The following HDX variants were observed in gnomAD, a reference collection of about 807,000 sequenced individuals.
The protein encoded by HDX is chromosome X open reading frame 43.
Under a neutral mutation model 45.2 loss-of-function variants are expected in HDX, and 19 were observed. The ratio of observed to expected loss-of-function variants is 0.42; its 90% CI spans 0.29 to 0.62. HDX has a LOEUF of 0.62. Ranked by LOEUF, HDX falls within the 20% of genes least tolerant of loss-of-function variation. HDX has a pLI of 0.20. For missense variants in HDX, 532 were observed against 493.9 expected, an observed-to-expected ratio of 1.08 and a Z score of -0.73; for synonymous variants, 188 against 172.8, an observed-to-expected ratio of 1.09 and a Z score of -0.69.
At chrX:84,500,539 A>G (rs1266461259) in intron 1 of HDX, among the ~76,000 whole-genome samples, 1 of 110,770 alleles carries the variant, frequency 9.0e-6, no homozygotes, top group Non-Finnish European at 1.9e-5. Flanking sequence ...TAACAAAGAC[A>G]ATAATTGACG....
intron 5 of HDX, among the ~76,000 whole-genome samples, chrX:84,432,266 T>C (rs1035684637): frequency 6.3e-5 from 7 of 111,890 alleles, no homozygotes; most frequent in Admixed American, 4.7e-4. Flanking sequence ...AGTCAAGTAA[T>C]GTGATGCCTC....
At chrX:84,457,477 T>C (rs755418017) in intron 4 of HDX, among the ~76,000 whole-genome samples, 159 of 111,844 alleles carry the variant, frequency 1.4e-3, no homozygotes, top group African/African-American at 4.9e-3. Context: ...AATGCCAGCA[T>C]AGAAACTTCA....
chrX:84,477,611 A>G (rs948082799), intron 2 of HDX, among the ~76,000 whole-genome samples: 18 of 111,805 alleles, frequency 1.6e-4, no homozygotes, highest in African/African-American at 5.2e-4. Flanking sequence ...TACAACAACT[A>G]GATGACCCCA....
Position 84,470,870 on chromosome X carries a change from A to AATGTT in HDX, c.148-1296_148-1295insAACAT, listed in dbSNP as rs1178778112. 1.5e-3 allele frequency among the ~76,000 whole-genome samples: 165 copies of AATGTT among 111,747 alleles called. 1 individual carries two copies. Among genetic ancestry groups the AATGTT allele is most frequent in the African/African-American group, 5.2e-3 (161 of 30,823 alleles). On this transcript the variant is annotated intron_variant, in intron 3 of 10. Coordinates refer to ENST00000373177, the MANE Select transcript of HDX (RefSeq NM_001177479.2). ...AGCACATTAATCTATTAAGAATTAA[A>AATGTT]CAGGCCATGCACAGTGGCTCATGCC...
At chrX:84,326,470 C>T (rs2036712777) in intron 9 of HDX, among the ~76,000 whole-genome samples, 170 bp from the exon 10 acceptor site, 1 of 111,544 alleles carries the variant, frequency 9.0e-6, no homozygotes, top group Non-Finnish European at 1.9e-5. Flanking sequence ...CTGTTAGTCA[C>T]AGGATGCCTT....
chrX:84,453,568 A>C (rs988934885), intron 4 of HDX, among the ~76,000 whole-genome samples: 9 of 112,160 alleles, frequency 8.0e-5, no homozygotes, highest in Non-Finnish European at 1.1e-4. Flanking sequence ...AAGAGTAGGA[A>C]CTTGAGTTTT....
intron 5 of HDX, among the ~76,000 whole-genome samples, chrX:84,379,189 T>C (rs149405319): frequency 0.11 from 11,700 of 109,047 alleles, 614 homozygotes; most frequent in East Asian, 0.26. Flanking sequence ...ATGATCAAAT[T>C]TGATTTTATA....
chrX:84,482,951 C>A (rs936588702), intron 2 of HDX, among the ~76,000 whole-genome samples: 1 of 111,869 alleles, frequency 8.9e-6, no homozygotes, highest in African/African-American at 3.3e-5. Flanking sequence ...GGGCTATAGG[C>A]CTCATGCAAG....
intron 5 of HDX, among the ~76,000 whole-genome samples, chrX:84,406,676 G>A (rs1039378350): frequency 5.4e-4 from 60 of 110,987 alleles, no homozygotes; most frequent in African/African-American, 1.9e-3. Context: ...TAATAACAAA[G>A]TAGACTAAAG....
At chrX:84,457,634 C>T (rs2040141176) in intron 4 of HDX, among the ~76,000 whole-genome samples, 1 of 111,592 alleles carries the variant, frequency 9.0e-6, no homozygotes, top group African/African-American at 3.3e-5. Context: ...TGAATTAATA[C>T]TATGTGCTCT....
chrX:84,408,805 A>C (rs1393590221), intron 5 of HDX, among the ~76,000 whole-genome samples: 1 of 109,411 alleles, frequency 9.1e-6, no homozygotes, highest in Admixed American at 9.9e-5. Flanking sequence ...ATTCCTAGGT[A>C]TTTTAATCAT....
At chrX:84,398,374 G>T (rs1202975926) in intron 5 of HDX, among the ~76,000 whole-genome samples, 1 of 111,418 alleles carries the variant, frequency 9.0e-6, no homozygotes, top group Admixed American at 9.5e-5. Flanking sequence ...TAAAGGGATG[G>T]AGGAAAATTT....
intron 5 of HDX, among the ~76,000 whole-genome samples, chrX:84,381,368 A>T (rs2038183887): frequency 9.0e-6 from 1 of 111,303 alleles, no homozygotes; most frequent in South Asian, 3.8e-4. Context: ...ATACAGACCC[A>T]CAAAGACCCA....
At chrX:84,336,525 A>G (rs2036966477) in intron 8 of HDX, among the ~76,000 whole-genome samples, 2 of 111,530 alleles carry the variant, frequency 1.8e-5, no homozygotes, top group South Asian at 7.4e-4. Context: ...TGTTGAAGAA[A>G]AATAGCTTGT....
chrX:84,380,569 C>T (rs1021975377), intron 5 of HDX, among the ~76,000 whole-genome samples: 2 of 111,304 alleles, frequency 1.8e-5, no homozygotes, highest in Admixed American at 9.5e-5. Flanking sequence ...CATGGTTCAA[C>T]ATATGAAAAT....
chrX:84,477,095 G>T (rs1158840351), intron 2 of HDX, among the ~76,000 whole-genome samples: 1 of 111,583 alleles, frequency 9.0e-6, no homozygotes, highest in African/African-American at 3.3e-5. Context: ...TTTCAGAGCC[G>T]TTTGGGGTTT....
chrX:84,385,399 G>A lies in HDX; in HGVS notation c.1306-23787C>T, dbSNP rs1453836483. On this transcript the variant is annotated intron_variant, in intron 5 of 10. Coordinates refer to ENST00000373177, the MANE Select transcript of HDX (RefSeq NM_001177479.2). ...CGGCTAATTTTTTGTATTTTTAGTA[G>A]AGACGGGGTTTCACCGTTTTAGCCA... Among the ~76,000 whole-genome samples, 4 of 105,174 alleles carry A rather than the reference G, an allele frequency of 3.8e-5. No homozygotes were observed. The Admixed American group carries it at 4.1e-4, about 11-fold the overall frequency. The allele number at this position is 105,174 out of a possible 115,157, so 91.3% of individuals were successfully genotyped here.
intron 4 of HDX, among the ~76,000 whole-genome samples, chrX:84,453,477 G>A (rs187247976): frequency 1.8e-5 from 2 of 112,054 alleles, no homozygotes; most frequent in Admixed American, 1.9e-4. Context: ...GTCAGCAGAA[G>A]AGAACAATGG....
At chrX:84,384,196 A>G (rs1372233055) in intron 5 of HDX, among the ~76,000 whole-genome samples, 1 of 111,008 alleles carries the variant, frequency 9.0e-6, no homozygotes, top group Non-Finnish European at 1.9e-5. Flanking sequence ...TTTCTGTGCA[A>G]CCTTGCCAGT....
Sources: gnomAD v4.1 joint callset for allele counts (sites outside exome capture counted in the v4.1 genomes callset) on GRCh38, gnomAD v4.1.1 for gene constraint, MANE v1.5 for transcripts, NCBI Gene and HGNC (gene_info 2026-07-23, HGNC 2026-07-21) for gene names.